The following ZPBP variants were observed in gnomAD, a reference collection of about 807,000 sequenced individuals.
ZPBP encodes zona pellucida binding protein.
In ZPBP, 26 loss-of-function variants were observed where a neutral mutation model predicts 44.8. That is an observed-to-expected ratio of 0.58 (90% CI 0.43 to 0.81). ZPBP has a LOEUF of 0.81. ZPBP is among the 30% of genes least tolerant of loss of function. The probability of loss-of-function intolerance (pLI) is 0.00; values close to 1 mark genes in which losing one functional copy is unlikely to be tolerated. For missense variants in ZPBP, 409 were observed against 434.0 expected (o/e 0.94, Z 0.51); for synonymous variants, 174 against 153.2 (o/e 1.14, Z -1.00).
At chr7:49,946,636 T>G (rs1005410756) in intron 7 of ZPBP, among the ~76,000 whole-genome samples, 1 of 152,186 alleles carries the variant, frequency 6.6e-6, no homozygotes, top group African/African-American at 2.4e-5. Context: ...TCTTTATCCT[T>G]GACCTTTGGG....
In ZPBP at chr7:50,044,020, C is replaced by T. The variant is rs539427105; in HGVS notation, c.488-12710G>A. 2.0e-5 allele frequency among the ~76,000 whole-genome samples: 3 copies of T among 152,310 alleles called. No homozygotes were observed. In the East Asian group the frequency reaches 5.8e-4, roughly 29 times the overall value. ...TCAGGATTAAGAAACTCACTCAAAACTGCACAACTATGTGGAAACTGGACA... is the reference window on the plus strand; with the variant it reads ...TCAGGATTAAGAAACTCACTCAAAATTGCACAACTATGTGGAAACTGGACA... On this transcript the variant is annotated intron_variant, in intron 4 of 7. Transcript: ENST00000046087.
intron 2 of ZPBP, among the ~76,000 whole-genome samples, chr7:50,082,229 T>C (rs1382435695): frequency 6.6e-6 from 1 of 151,784 alleles, no homozygotes; most frequent in East Asian, 1.9e-4. Context: ...AGTATTAAGA[T>C]AATACTATAT....
intron 2 of ZPBP, among the ~76,000 whole-genome samples, chr7:50,089,173 A>G (rs1802818919): frequency 6.6e-6 from 1 of 152,092 alleles, no homozygotes; most frequent in South Asian, 2.1e-4. Flanking sequence ...AATCTTGTCA[A>G]TATACTAAAA....
Position 50,081,886 on chromosome 7 carries a change from G to C in ZPBP, c.222C>G (p.Val74=). Residue 74 remains valine, a synonymous_variant, in exon 3 of 8, where the codon GTC becomes GTG. Coordinates refer to ENST00000046087, the MANE Select transcript of ZPBP (RefSeq NM_007009.3). ...CGTGTGGACTCTTTTGATGGAGCAT[G>C]ACATACGCTTTCACTGAAAATACAA... ...GSTSFPVKAY[V]MLHQKSPHVL... 1.2e-6 allele frequency: 2 copies of C among 1,610,900 alleles called. No individual in the cohort carries two copies. The highest frequency in any genetic ancestry group is 1.7e-6 in the Non-Finnish European group (2 of 1,177,902).
At chr7:50,026,388 G>T (rs1185078280) in intron 5 of ZPBP, among the ~76,000 whole-genome samples, 1 of 151,774 alleles carries the variant, frequency 6.6e-6, no homozygotes, top group East Asian at 1.9e-4. Flanking sequence ...AAAGGCAGAA[G>T]ATCAATAAGC....
chr7:49,982,979 A>G (rs1797096593), intron 7 of ZPBP, among the ~76,000 whole-genome samples: 1 of 152,072 alleles, frequency 6.6e-6, no homozygotes, highest in Non-Finnish European at 1.5e-5. Context: ...AAAGTCACAA[A>G]GATATCTACT....
rs1281284254 is a variant in ZPBP at position 49,877,476 on chromosome 7, AAAAAAATATATAT to A, written n.509+23629_509+23641del. ...AAACTCTGTCTCAAAAAAAAAAAAA[AAAAAAATATATAT>A]ATATATATATATATATATATATATA... is the stretch of plus-strand genomic sequence containing the variant. On this transcript the variant is annotated intron_variant and non_coding_transcript_variant, in intron 2 of 2. Transcript: ENST00000465922. 9.8e-4 allele frequency among the ~76,000 whole-genome samples: 43 copies of A among 43,892 alleles called. 6 individuals carry two copies. The highest frequency in any genetic ancestry group is 3.3e-3 in the East Asian group (4 of 1,228). 28.8% of individuals were successfully genotyped at this position (43,892 alleles called of 152,430 possible). A position where few individuals can be genotyped will look rare whatever the true frequency, so the allele number is the denominator to read the frequency against.
Position 50,093,075 on chromosome 7 carries a change from G to A in ZPBP, c.120C>T (p.Pro40=), listed in dbSNP as rs771584092. The change falls in exon 1 of 8, where the codon CCC becomes CCT. Residue 40 remains proline (P), a synonymous_variant. Transcript: ENST00000046087. Reference sequence around the variant, plus strand: ...GGCGGCGCGGACCCTCACCTGATGAGGGCACCCGCACCAGGAAGGCGGAGA... The same window carrying A: ...GGCGGCGCGGACCCTCACCTGATGAAGGCACCCGCACCAGGAAGGCGGAGA... ...LFISAFLVRV[P]SSVGHLVRLP... The A allele has an allele frequency of 3.1e-5, 50 of 1,600,948 alleles. No individual in the cohort carries two copies. Among genetic ancestry groups the A allele is most frequent in the Non-Finnish European group, 4.3e-5 (50 of 1,174,130 alleles).
intron 2 of ZPBP, among the ~76,000 whole-genome samples, chr7:49,893,894 T>C (rs1039517392): frequency 3.3e-5 from 5 of 152,138 alleles, no homozygotes; most frequent in African/African-American, 1.2e-4. Context: ...TTTCAGAAAA[T>C]GGAAAAAAAT....
chr7:50,025,581 CATGCAAATAAATCTAGACTT>C (rs1268015533), intron 5 of ZPBP, among the ~76,000 whole-genome samples: 1 of 151,776 alleles, frequency 6.6e-6, no homozygotes, highest in East Asian at 1.9e-4. Context: ...TGGATATCCA[CATGCAAATAAATCTAGACTT>C]ATACCTTTCA....
chr7:49,868,830 G>T (rs550834016), intron 2 of ZPBP, among the ~76,000 whole-genome samples: 1 of 152,220 alleles, frequency 6.6e-6, no homozygotes, highest in Non-Finnish European at 1.5e-5. Context: ...TGTTGGCCAG[G>T]CTGGTCTTGA....
chr7:50,020,740 G>A (rs1211923749), intron 5 of ZPBP, among the ~76,000 whole-genome samples: 1 of 151,724 alleles, frequency 6.6e-6, no homozygotes, highest in Non-Finnish European at 1.5e-5. Flanking sequence ...ATAGAAACAT[G>A]GAAAAAAATG....
intron 3 of ZPBP, among the ~76,000 whole-genome samples, chr7:50,061,627 C>T (rs1223328964): frequency 6.6e-6 from 1 of 152,200 alleles, no homozygotes; most frequent in African/African-American, 2.4e-5. Context: ...ATGATTTCTC[C>T]TGGCTATTCC....
intron 6 of ZPBP, among the ~76,000 whole-genome samples, chr7:49,985,919 T>C (rs1797255325): frequency 1.3e-5 from 2 of 152,140 alleles, no homozygotes; most frequent in Admixed American, 1.3e-4. Flanking sequence ...TCAGCTGGTG[T>C]GTGTGGTGAC....
At chr7:50,020,821 A>C (rs1799061739) in intron 5 of ZPBP, among the ~76,000 whole-genome samples, 1 of 152,126 alleles carries the variant, frequency 6.6e-6, no homozygotes, top group South Asian at 2.1e-4. Context: ...CAACCAAGTG[A>C]ATGCTAAATC....
chr7:49,847,499 AATGTGGGTTTT>A (rs1789988236), downstream of ZPBP, among the ~76,000 whole-genome samples: 1 of 152,080 alleles, frequency 6.6e-6, no homozygotes, highest in Non-Finnish European at 1.5e-5. Context: ...AGGGTTTGAA[AATGTGGGTTTT>A]ATTATTGGGT....
chr7:49,943,982 T>G lies in ZPBP; in HGVS notation c.962-6360A>C, dbSNP rs569066678. On this transcript the variant is annotated intron_variant, in intron 7 of 7. Coordinates refer to ENST00000046087, the MANE Select transcript of ZPBP (RefSeq NM_007009.3). Reference sequence around the variant, plus strand: ...GACTGCATATCACTTGCAAATAAATTTGGTTGCTTCCTTTGTGACATAGGG... The same window carrying G: ...GACTGCATATCACTTGCAAATAAATGTGGTTGCTTCCTTTGTGACATAGGG... 216 of 300,444 alleles carry G rather than the reference T, an allele frequency of 7.2e-4. 2 individuals carry two copies. In the South Asian group the frequency reaches 7.8e-3, roughly 11 times the overall value. The allele number at this position is 300,444 out of a possible 1,614,324, so 18.6% of individuals were successfully genotyped here. A position where few individuals can be genotyped will look rare whatever the true frequency, so the allele number is the denominator to read the frequency against.
chr7:49,916,733 A>C (rs1410618885), intron 1 of ZPBP: 1 of 152,254 alleles, frequency 6.6e-6, no homozygotes, highest in Non-Finnish European at 1.5e-5. Context: ...TATGTATTAA[A>C]GAGCAACTAA....
chr7:49,869,980 C>A (rs1397657172), intron 2 of ZPBP, among the ~76,000 whole-genome samples: 1 of 152,010 alleles, frequency 6.6e-6, no homozygotes, highest in Non-Finnish European at 1.5e-5. Context: ...ATAAAAGAAA[C>A]TTGGAACAAA....
Sources: gnomAD v4.1 joint callset for allele counts (sites outside exome capture counted in the v4.1 genomes callset) on GRCh38, gnomAD v4.1.1 for gene constraint, MANE v1.5 for transcripts, NCBI Gene and HGNC (gene_info 2026-07-23, HGNC 2026-07-21) for gene names.